CLRN1: variants seen among roughly 807,000 people sequenced by gnomAD.
CLRN1 encodes the protein clarin 1.
Under a neutral mutation model 18.7 loss-of-function variants are expected in CLRN1, and 15 were observed. That is an observed-to-expected ratio of 0.80 (90% CI 0.54 to 1.23). The LOEUF is 1.23. Ranked by LOEUF, CLRN1 falls within the 50% of genes most tolerant of loss-of-function variation. The pLI is 0.00. For synonymous variants in CLRN1, 104 were observed against 102.9 expected (o/e 1.01, Z -0.07); for missense variants, 311 against 277.5 (o/e 1.12, Z -0.86).
chr3:150,968,229 C>G (rs758372850), intron 1 of CLRN1, among the ~76,000 whole-genome samples: 1 of 151,938 alleles, frequency 6.6e-6, no homozygotes, highest in African/African-American at 2.4e-5. Flanking sequence ...TTCAAATTAC[C>G]GAAACAGAAA....
At chr3:150,957,001 G>A (rs1714769944) in intron 1 of CLRN1, among the ~76,000 whole-genome samples, 1 of 140,004 alleles carries the variant, frequency 7.1e-6, no homozygotes, top group South Asian at 2.3e-4. Context: ...GAACTCCATT[G>A]CCACCCATCT....
Position 150,926,766 on chromosome 3 carries a change from G to T in CLRN1, c.*1170C>A. 1 of 1,612,302 alleles carries T rather than the reference G, an allele frequency of 6.2e-7. No homozygotes were observed. The highest frequency in any genetic ancestry group is 8.5e-7 in the Non-Finnish European group (1 of 1,178,928). On this transcript the variant is annotated 3_prime_UTR_variant, in exon 3 of 3. Transcript: ENST00000327047. ...CAGCACCTGTGGTCAGAGGCCTAGT[G>T]ATCTGTTTGCTGTCATTCTCTGCTT...
intron 2 of CLRN1, among the ~76,000 whole-genome samples, chr3:150,934,758 C>A (rs1410650475): frequency 6.6e-6 from 1 of 152,158 alleles, no homozygotes; most frequent in African/African-American, 2.4e-5. Flanking sequence ...TGCTTCTATA[C>A]TCAGCTCCCT....
intron 1 of CLRN1, among the ~76,000 whole-genome samples, chr3:150,951,303 C>T (rs375719500): frequency 3.3e-5 from 5 of 151,848 alleles, no homozygotes; most frequent in African/African-American, 7.2e-5. Flanking sequence ...TCCATTCTCT[C>T]ATAGTCTCAG....
intron 2 of CLRN1, chr3:150,941,324 G>A (rs990231424): frequency 1.0e-4 from 38 of 379,704 alleles, no homozygotes; most frequent in Non-Finnish European, 1.2e-4. Flanking sequence ...TGAGACAAGC[G>A]TTTATCCTCT....
At chr3:150,947,689 G>A (rs1453646697) in intron 1 of CLRN1, among the ~76,000 whole-genome samples, 4 of 152,058 alleles carry the variant, frequency 2.6e-5, no homozygotes, top group Admixed American at 2.6e-4. Context: ...AAGAACCAAA[G>A]TCATATCAAA....
intron 1 of CLRN1, among the ~76,000 whole-genome samples, chr3:150,956,613 G>A (rs890623762): frequency 5.9e-5 from 9 of 152,212 alleles, no homozygotes; most frequent in East Asian, 3.9e-4. Flanking sequence ...TGAGTAAGTC[G>A]TAAGTTAATG....
At chr3:150,942,280 G>A (rs1415486683) in intron 1 of CLRN1, among the ~76,000 whole-genome samples, 1 of 152,086 alleles carries the variant, frequency 6.6e-6, no homozygotes, top group Non-Finnish European at 1.5e-5. Context: ...TTTTAATGTA[G>A]CACAAAGCTG....
intron 2 of CLRN1, among the ~76,000 whole-genome samples, chr3:150,931,441 C>A (rs1713138654): frequency 6.6e-6 from 1 of 152,176 alleles, no homozygotes; most frequent in Admixed American, 6.5e-5. Context: ...ATAGAACATA[C>A]CCATCTGGCA....
rs564604130 is a variant in CLRN1 at position 150,953,396 on chromosome 3, C to T, written c.254-11635G>A. Among the ~76,000 whole-genome samples the T allele has an allele frequency of 3.9e-5, 6 of 152,244 alleles. No individual in the cohort carries two copies. The South Asian group carries it at 6.2e-4, about 16-fold the overall frequency. On this transcript the variant is annotated intron_variant, in intron 1 of 2. Coordinates refer to ENST00000327047, the MANE Select transcript of CLRN1 (RefSeq NM_174878.3). ...CTCTGAGTCAATGTGTCTCGGTCTC[C>T]TCATACTTAAACCATCCCAGACCCC...
chr3:150,964,677 T>C (rs1348375623), intron 1 of CLRN1, among the ~76,000 whole-genome samples: 1 of 152,162 alleles, frequency 6.6e-6, no homozygotes, highest in Non-Finnish European at 1.5e-5. Flanking sequence ...AATGATAGAC[T>C]AGATTAAGAA....
At chr3:150,965,888 T>C (rs1010274771) in intron 1 of CLRN1, among the ~76,000 whole-genome samples, 1 of 152,248 alleles carries the variant, frequency 6.6e-6, no homozygotes, top group Admixed American at 6.5e-5. Context: ...AGATAGTTAC[T>C]AGGGGAAGGG....
intron 2 of CLRN1, among the ~76,000 whole-genome samples, chr3:150,933,210 G>A (rs1007857447): frequency 6.6e-6 from 1 of 152,032 alleles, no homozygotes; most frequent in Non-Finnish European, 1.5e-5. Flanking sequence ...GGGAACTGGG[G>A]GTACAGCACT....
chr3:150,966,726 C>A (rs12107635), intron 1 of CLRN1, among the ~76,000 whole-genome samples: 26,253 of 152,014 alleles, frequency 0.17, 2,517 homozygotes, highest in East Asian at 0.39. Context: ...CCATCTGGAT[C>A]CTGATAAATG....
At position 150,927,832 on chromosome 3, in the gene CLRN1, G is replaced by T; in HGVS notation, c.*104C>A. The stretch of plus-strand genomic sequence containing the variant: ...TGTAAACATTGTCACGAAGGGTCCT[G>T]ATGCTTTAATATATGCAGACTAAAA... On this transcript the variant is annotated 3_prime_UTR_variant, in exon 3 of 3. Transcript: ENST00000327047. 1 of 1,349,368 alleles carries T rather than the reference G, an allele frequency of 7.4e-7. No individual in the cohort carries two copies. The highest frequency in any genetic ancestry group is 1.1e-6 in the Non-Finnish European group (1 of 944,222). 83.6% of individuals were successfully genotyped at this position (1,349,368 alleles called of 1,614,324 possible).
intron 1 of CLRN1, among the ~76,000 whole-genome samples, chr3:150,957,612 T>G (rs934689101): frequency 6.6e-6 from 1 of 152,204 alleles, no homozygotes. Context: ...CTCCCCTCTC[T>G]ACCCATTCAT....
At chr3:150,951,433 G>T (rs1714476450) in intron 1 of CLRN1, among the ~76,000 whole-genome samples, 2 of 151,952 alleles carry the variant, frequency 1.3e-5, no homozygotes, top group Non-Finnish European at 2.9e-5. Context: ...TGACTCCCAG[G>T]TTCAAGCGAT....
intron 2 of CLRN1, among the ~76,000 whole-genome samples, chr3:150,936,503 G>T (rs12635974): frequency 0.34 from 51,141 of 151,574 alleles, 8,768 homozygotes; most frequent in Middle Eastern, 0.4. Flanking sequence ...GTCTTACCCA[G>T]AATGCCACCA....
intron 2 of CLRN1, among the ~76,000 whole-genome samples, chr3:150,932,468 G>A (rs1713210982): frequency 1.3e-5 from 2 of 152,048 alleles, no homozygotes; most frequent in African/African-American, 2.4e-5. Context: ...ATAATAAACT[G>A]GAATTTCAAT....
Sources: gnomAD v4.1 joint callset for allele counts (sites outside exome capture counted in the v4.1 genomes callset) on GRCh38, gnomAD v4.1.1 for gene constraint, MANE v1.5 for transcripts, NCBI Gene and HGNC (gene_info 2026-07-23, HGNC 2026-07-21) for gene names.